Variants in MLLT10 observed in about 807,000 individuals in gnomAD.
The protein encoded by MLLT10 is protein AF-10.
In MLLT10, 30 loss-of-function variants were observed where a neutral mutation model predicts 129.1. The observed-to-expected ratio is 0.23, with a 90% CI of 0.17 to 0.32. MLLT10 has a LOEUF of 0.32. Ranked by LOEUF, MLLT10 falls within the 10% of genes least tolerant of loss-of-function variation. The probability of loss-of-function intolerance (pLI) is 1.00; values close to 1 mark genes in which losing one functional copy is unlikely to be tolerated. For missense variants in MLLT10, 1,119 were observed against 1,268.3 expected (o/e 0.88, Z 1.79); for synonymous variants, 490 against 446.4 (o/e 1.10, Z -1.23).
chr10:21,663,620 A>C (rs1564604043), intron 9 of MLLT10, among the ~76,000 whole-genome samples: 1 of 152,142 alleles, frequency 6.6e-6, no homozygotes, highest in East Asian at 1.9e-4. Flanking sequence ...GCTGGAGTGC[A>C]ATGGTGTGAT....
At chr10:21,735,910 C>A (rs2058325496) in intron 21 of MLLT10, among the ~76,000 whole-genome samples, 1 of 152,204 alleles carries the variant, frequency 6.6e-6, no homozygotes, top group Admixed American at 6.5e-5. Context: ...GAATGGAAAG[C>A]CACTGGCGAG....
chr10:21,665,218 T>TC, intron 9 of MLLT10, among the ~76,000 whole-genome samples: 1 of 151,478 alleles, frequency 6.6e-6, no homozygotes, highest in African/African-American at 2.4e-5. Context: ...AGTGTTGGGA[T>TC]TACAGGCGCG....
intron 3 of MLLT10, chr10:21,557,948 CTTTTTTTTTTTTTT>C (rs945740582): frequency 9.6e-6 from 1 of 104,458 alleles, no homozygotes; most frequent in Non-Finnish European, 2.0e-5. Context: ...TTTTTTTTTT[CTTTTTTTTTTTTTT>C]TTTTGGAGAC....
intron 21 of MLLT10, among the ~76,000 whole-genome samples, chr10:21,737,740 C>T (rs1333733985): frequency 1.3e-5 from 2 of 152,042 alleles, no homozygotes; most frequent in Non-Finnish European, 2.9e-5. Flanking sequence ...GCCCTGTGGA[C>T]AGTCGTGGGG....
chr10:21,670,548 G>T lies in MLLT10; in HGVS notation c.895G>T (p.Ala299Ser). 2 of 1,614,140 alleles carry T rather than the reference G, an allele frequency of 1.2e-6. No individual in the cohort carries two copies. Residue 299 changes from alanine (A) to serine (S), a missense_variant, in exon 10 of 23, where the codon GCA becomes TCA. Physicochemically the swap from Ala to Ser is moderately conservative, Grantham distance 99. Around this residue, in one of 5 missense-constraint regions of MLLT10, gnomAD observed 1,004 missense variants for 1,008.7 expected, o/e 1.00. Transcript: ENST00000307729. The stretch of plus-strand genomic sequence containing the variant: ...AAATGCAAATTTCCAGGAAGTCTCT[G>T]CACACACCTCTAGTGGAAAAGATGT... The part of the protein sequence containing the change: ...FTNANFQEVS[A>S]HTSSGKDVSE...
intron 3 of MLLT10, chr10:21,571,858 T>C (rs1388068298): frequency 6.6e-6 from 1 of 152,218 alleles, no homozygotes; most frequent in Non-Finnish European, 1.5e-5. Flanking sequence ...CTGATAAATG[T>C]TTTGTAAATA....
intron 22 of MLLT10, among the ~76,000 whole-genome samples, 164 bp downstream of exon 22, chr10:21,740,400 G>A (rs1384487418): frequency 2.6e-5 from 4 of 152,068 alleles, no homozygotes; most frequent in African/African-American, 4.8e-5. Context: ...CAATTTATAC[G>A]TCCCCTAAGT....
chr10:21,600,738 C>G (rs1367817191), intron 5 of MLLT10, among the ~76,000 whole-genome samples: 1 of 151,982 alleles, frequency 6.6e-6, no homozygotes, highest in East Asian at 1.9e-4. Flanking sequence ...TAAAAAAATT[C>G]TTTTGCTCTT....
rs772338754 is a variant in MLLT10, at chr10:21,673,400, G to A, written c.1102G>A (p.Val368Met). 3.8e-6 allele frequency: 6 copies of A among 1,578,016 alleles called. No individual in the cohort carries two copies. The highest frequency in any genetic ancestry group is 4.3e-6 in the Non-Finnish European group (5 of 1,162,746). The change falls in exon 11 of 23, where the codon GTG becomes ATG. Residue 368 changes from valine (V) to methionine (M), a missense_variant. Val to Met is a conservative substitution (Grantham distance 21). This residue lies in a region of MLLT10 where 1,004 missense variants were observed against 1,008.7 expected (regional missense o/e 1.00). Coordinates refer to ENST00000307729, the MANE Select transcript of MLLT10 (RefSeq NM_001195626.3). Reference protein sequence around the residue: ...GSVKSSSGSSVQSPQDFLSFT... With the variant: ...GSVKSSSGSSMQSPQDFLSFT... ...TGTAAAGTCATCTTCTGGAAGTTCA[G>A]TGCAGTCTCCCCAGGATTTCCTGAG...
At chr10:21,715,263 T>C (rs2056450124) in intron 14 of MLLT10, among the ~76,000 whole-genome samples, 1 of 152,184 alleles carries the variant, frequency 6.6e-6, no homozygotes, top group Admixed American at 6.5e-5. Context: ...AATTACGTAT[T>C]AGAATCAACC....
rs2033363523 is a variant in MLLT10, at chr10:21,534,310, C to CCG, written c.-210_-209insGC. 5.2e-6 allele frequency: 2 copies of CCG among 383,844 alleles called. No homozygotes were observed. The highest frequency in any genetic ancestry group is 9.3e-6 in the Non-Finnish European group (2 of 214,656). The allele number at this position is 383,844 out of a possible 1,614,324, so 23.8% of individuals were successfully genotyped here. A position where few individuals can be genotyped will look rare whatever the true frequency, so the allele number is the denominator to read the frequency against. ...GCTGCCCCTGGCCCAGCGGGAGCCC[C>CCG]CCCTCCCCCCAGTGCGCCTGTGCGG... On this transcript the variant is annotated 5_prime_UTR_variant, in exon 1 of 23. Transcript: ENST00000307729.
Position 21,713,927 on chromosome 10 carries a change from G to T in MLLT10, c.1855G>T (p.Ala619Ser). Reference sequence around the variant, plus strand: ...CTCTCCCTCAGCTGTGTCATCTGCAGCCCCTGCTGTTGCTACAACTCAGGT... The same window carrying T: ...CTCTCCCTCAGCTGTGTCATCTGCATCCCCTGCTGTTGCTACAACTCAGGT... ...ALSPSAVSSA[A>S]PAVATTQANT... The change falls in exon 14 of 23, where the codon GCC becomes TCC. Residue 619 changes from alanine to serine, a missense_variant. Transcript: ENST00000307729. 6.2e-7 allele frequency: 1 copy of T among 1,612,670 alleles called. No homozygotes were observed. Among genetic ancestry groups the T allele is most frequent in the South Asian group, 1.1e-5 (1 of 90,788 alleles).
At chr10:21,694,086 A>G (rs2054136791) in intron 13 of MLLT10, among the ~76,000 whole-genome samples, 1 of 152,256 alleles carries the variant, frequency 6.6e-6, no homozygotes, top group Non-Finnish European at 1.5e-5. Context: ...AATTGCAAGT[A>G]TAGTAGAGAG....
chr10:21,542,748 A>G (rs1217457293), intron 3 of MLLT10, among the ~76,000 whole-genome samples: 2 of 151,982 alleles, frequency 1.3e-5, no homozygotes, highest in African/African-American at 4.8e-5. Context: ...AAAATTAACC[A>G]CATGTGGTGG....
At chr10:21,693,474 A>G (rs566287918) in intron 13 of MLLT10, among the ~76,000 whole-genome samples, 1 of 151,310 alleles carries the variant, frequency 6.6e-6, no homozygotes, top group East Asian at 1.9e-4. Flanking sequence ...CTTGAAAACA[A>G]CCCCTCCACA....
chr10:21,587,577 G>A (rs776922305), intron 4 of MLLT10, among the ~76,000 whole-genome samples: 1 of 151,936 alleles, frequency 6.6e-6, no homozygotes, highest in African/African-American at 2.4e-5. Context: ...ATTCTGAAAT[G>A]TGTAGACATG....
intron 13 of MLLT10, among the ~76,000 whole-genome samples, chr10:21,698,443 A>C (rs962037760): frequency 1.3e-5 from 2 of 152,178 alleles, no homozygotes; most frequent in Admixed American, 1.3e-4. Context: ...GTGTGTATAT[A>C]CTACACTTTC....
Position 21,673,670 on chromosome 10 carries a change from A to C in MLLT10, c.1372A>C (p.Ile458Leu). The C allele has an allele frequency of 6.2e-7, 1 of 1,614,176 alleles. No homozygotes were observed. The highest frequency in any genetic ancestry group is 8.5e-7 in the Non-Finnish European group (1 of 1,180,028). Residue 458 changes from isoleucine (I) to leucine (L), a missense_variant, in exon 11 of 23, where the codon ATA becomes CTA. Ile to Leu is a conservative substitution (Grantham distance 5). Coordinates refer to ENST00000307729, the MANE Select transcript of MLLT10 (RefSeq NM_001195626.3). ...ATATAAGCGGGCTCAAACTTCTGGC[A>C]TAGAAGAAGAAACTGTAAAGGAAAA... is the stretch of plus-strand genomic sequence containing the variant. ...AGYKRAQTSG[I>L]EEETVKEKKR...
At chr10:21,699,467 G>C (rs752860671) in intron 13 of MLLT10, among the ~76,000 whole-genome samples, 4 of 152,006 alleles carry the variant, frequency 2.6e-5, no homozygotes, top group Non-Finnish European at 4.4e-5. Flanking sequence ...ATGTCCTGAA[G>C]TGTTTTCCTT....
Sources: allele counts gnomAD v4.1 joint callset (sites outside exome capture counted in the v4.1 genomes callset), GRCh38; gene constraint gnomAD v4.1.1; regional missense constraint gnomAD v4.1.1; transcripts MANE v1.5; gene names NCBI Gene and HGNC (gene_info 2026-07-23, HGNC 2026-07-21).